The following ITGA4 variants were observed in gnomAD, a reference collection of about 807,000 sequenced individuals.
The protein encoded by ITGA4 is integrin subunit alpha 4.
ITGA4 carries 63 observed loss-of-function variants against 133.6 expected under a neutral mutation model. The observed-to-expected ratio is 0.47, with a 90% CI of 0.38 to 0.58. ITGA4 has a LOEUF of 0.58. Ranked by LOEUF, ITGA4 falls within the 20% of genes least tolerant of loss-of-function variation. The pLI is 0.00. For missense variants in ITGA4, 1,076 were observed against 1,252.7 expected (o/e 0.86, Z 2.13); for synonymous variants, 483 against 438.0 (o/e 1.10, Z -1.28).
rs1468747395 is a variant in ITGA4, at chr2:181,516,533, C to T, written c.1922+4758C>T. Among the ~76,000 whole-genome samples, 1 of 151,962 alleles carries T rather than the reference C, an allele frequency of 6.6e-6. No homozygotes were observed. The highest frequency in any genetic ancestry group is 1.5e-5 in the Non-Finnish European group (1 of 67,980). On this transcript the variant is annotated intron_variant, in intron 17 of 27. Coordinates refer to ENST00000397033, the MANE Select transcript of ITGA4 (RefSeq NM_000885.6). This position sits in a 1 kb window ranked among gnomAD's most constrained non-coding sequence, Gnocchi z 4.0. ...AGTGCTTGGTCATCTTTAAGTTGCC[C>T]TTCCAGGAAGGGCAGTGCCTCATTT...
intron 17 of ITGA4, among the ~76,000 whole-genome samples, chr2:181,521,047 A>G (rs1449470012): frequency 2.0e-5 from 3 of 151,872 alleles, no homozygotes. Context: ...GAATGACACA[A>G]TTTAAACATT....
rs1687144019 is a variant in ITGA4 at position 181,536,898 on chromosome 2, G to A, written c.*1371G>A. 3 of 453,344 alleles carry A rather than the reference G, an allele frequency of 6.6e-6. No individual in the cohort carries two copies. Among genetic ancestry groups the A allele is most frequent in the Non-Finnish European group, 1.3e-5 (3 of 226,476 alleles). The allele number at this position is 453,344 out of a possible 1,614,324, so 28.1% of individuals were successfully genotyped here. ...TCTGTTATAGGGAGTGATCAAATTA[G>A]AAGGCAATGTGGAAAAACAATTCTG... is the stretch of plus-strand genomic sequence containing the variant. On this transcript the variant is annotated 3_prime_UTR_variant, in exon 28 of 28. Coordinates refer to ENST00000397033, the MANE Select transcript of ITGA4 (RefSeq NM_000885.6).
At chr2:181,533,285 T>G (rs1220068660) in intron 25 of ITGA4, among the ~76,000 whole-genome samples, 1 of 152,214 alleles carries the variant, frequency 6.6e-6, no homozygotes. Context: ...TTCTTGAAAT[T>G]GCCAAACAGT....
chr2:181,536,875 T>TGTTA lies in ITGA4; in HGVS notation c.*1349_*1352dup, dbSNP rs1687141728. The TGTTA allele has an allele frequency of 2.3e-6, 1 of 438,260 alleles. No homozygotes were observed. The highest frequency in any genetic ancestry group is 2.0e-5 in the African/African-American group (1 of 49,524). The allele number at this position is 438,260 out of a possible 1,614,324, so 27.1% of individuals were successfully genotyped here. A position where few individuals can be genotyped will look rare whatever the true frequency, so the allele number is the denominator to read the frequency against. Reference sequence around the variant, plus strand: ...GAGCTGTGGCCGAATTTTGAACATCTGTTATAGGGAGTGATCAAATTAGAA... The same window carrying TGTTA: ...GAGCTGTGGCCGAATTTTGAACATCTGTTAGTTATAGGGAGTGATCAAATTAGAA... On this transcript the variant is annotated 3_prime_UTR_variant, in exon 28 of 28. Transcript: ENST00000397033.
chr2:181,535,300 C>A, intron 27 of ITGA4, 132 bp from the exon 28 acceptor site: 1 of 709,788 alleles, frequency 1.4e-6, no homozygotes, highest in Non-Finnish European at 2.2e-6. Flanking sequence ...TCTGTTAAAC[C>A]TTTATGACTG....
chr2:181,470,078 GATATAA>G (rs1402772106), intron 2 of ITGA4, among the ~76,000 whole-genome samples: 1 of 151,672 alleles, frequency 6.6e-6, no homozygotes, highest in African/African-American at 2.4e-5. Flanking sequence ...AAAAAAAAAA[GATATAA>G]ATGTTGGCAA....
intron 25 of ITGA4, among the ~76,000 whole-genome samples, chr2:181,533,478 T>C (rs977812255): frequency 1.3e-5 from 2 of 152,188 alleles, no homozygotes; most frequent in African/African-American, 4.8e-5. Context: ...CCAGATAATT[T>C]TGTTTTGGGG....
chr2:181,468,199 C>G (rs186015374), intron 2 of ITGA4, among the ~76,000 whole-genome samples: 1 of 152,176 alleles, frequency 6.6e-6, no homozygotes. Context: ...ATCCCACTCA[C>G]AAATCATCCT....
intron 10 of ITGA4, among the ~76,000 whole-genome samples, chr2:181,487,792 C>G (rs1265097123): frequency 6.6e-6 from 1 of 152,066 alleles, no homozygotes; most frequent in Non-Finnish European, 1.5e-5. Flanking sequence ...ATAGCTCTAC[C>G]ATCAAGTAGA....
intron 2 of ITGA4, among the ~76,000 whole-genome samples, chr2:181,469,560 G>C (rs1424010849): frequency 2.0e-5 from 3 of 152,138 alleles, no homozygotes; most frequent in Admixed American, 1.3e-4. Flanking sequence ...GCCATCCCAT[G>C]ACTGGGTATA....
rs987416748 is a variant in ITGA4, at chr2:181,534,167, G to A, written c.2785-105G>A. ...TTAATTTTAAGTGGTGAAATAAATTGGGGAAGGTAAATTGTGAAAACCTCT... is the reference window on the plus strand; with the variant it reads ...TTAATTTTAAGTGGTGAAATAAATTAGGGAAGGTAAATTGTGAAAACCTCT... On this transcript the variant is annotated intron_variant, in intron 25 of 27. Transcript: ENST00000397033. The A allele has an allele frequency of 9.7e-5, 63 of 652,478 alleles. 2 individuals are homozygous for A. The highest frequency in any genetic ancestry group is 8.2e-4 in the Middle Eastern group (2 of 2,438). 40.4% of individuals were successfully genotyped at this position (652,478 alleles called of 1,614,324 possible).
chr2:181,526,822 T>TTTTTTTTTTTTTTTG (rs1686840149), intron 21 of ITGA4, among the ~76,000 whole-genome samples: 1 of 38,126 alleles, frequency 2.6e-5, no homozygotes, highest in Non-Finnish European at 4.2e-5. Context: ...GCACATGGCC[T>TTTTTTTTTTTTTTTG]TTTTTTTTTT....
Position 181,495,770 on chromosome 2 carries a change from A to G in ITGA4, c.1386-13A>G, listed in dbSNP as rs114175797. The stretch of plus-strand genomic sequence containing the variant: ...TTCTGCAATTAACATTGCTACTTTT[A>G]TTTCCTTCTCAGGACAAGACCTGTA... On this transcript the variant is annotated splice_polypyrimidine_tract_variant and intron_variant, in intron 13 of 27. Coordinates refer to ENST00000397033, the MANE Select transcript of ITGA4 (RefSeq NM_000885.6). This position sits in a 1 kb window ranked among gnomAD's most constrained non-coding sequence, Gnocchi z 4.3. 2.0e-3 allele frequency: 3,231 copies of G among 1,602,540 alleles called. 63 individuals carry two copies. In the African/African-American group the frequency reaches 0.038, roughly 19 times the overall value.
intron 2 of ITGA4, among the ~76,000 whole-genome samples, chr2:181,463,694 A>T (rs1252778023): frequency 6.6e-6 from 1 of 152,094 alleles, no homozygotes; most frequent in African/African-American, 2.4e-5. Flanking sequence ...TTCCTGTGAG[A>T]CATAGAAGTA....
At chr2:181,488,433 C>A (rs934417621) in intron 10 of ITGA4, among the ~76,000 whole-genome samples, 1 of 152,144 alleles carries the variant, frequency 6.6e-6, no homozygotes, top group Non-Finnish European at 1.5e-5. Context: ...AATATTCCTG[C>A]ATATTTTTGT....
chr2:181,461,498 C>T (rs1236086222), intron 2 of ITGA4, among the ~76,000 whole-genome samples: 3 of 151,784 alleles, frequency 2.0e-5, no homozygotes, highest in Non-Finnish European at 2.9e-5. Context: ...ACTTTCCACC[C>T]GGGCACTCTG....
intron 2 of ITGA4, 63 bp downstream of exon 2, chr2:181,458,380 G>A (rs1218824711): frequency 1.9e-6 from 3 of 1,571,394 alleles, no homozygotes; most frequent in Non-Finnish European, 2.6e-6. Context: ...CCCCACCATA[G>A]GGCAAGTCCT....
intron 10 of ITGA4, among the ~76,000 whole-genome samples, chr2:181,490,484 CGTGTGTGTGTGTGTGT>C (rs35723610): frequency 9.4e-5 from 13 of 137,740 alleles, no homozygotes; most frequent in African/African-American, 1.6e-4. Context: ...GAATAGTATT[CGTGTGTGTGTGTGTGT>C]GTGTGTGTGT....
intron 2 of ITGA4, among the ~76,000 whole-genome samples, chr2:181,469,046 A>G (rs1685486422): frequency 6.6e-6 from 1 of 152,226 alleles, no homozygotes; most frequent in Admixed American, 6.5e-5. Context: ...ACCAGATTAT[A>G]AATCACTTCA....
Sources: allele counts gnomAD v4.1 joint callset (sites outside exome capture counted in the v4.1 genomes callset), GRCh38; gene constraint gnomAD v4.1.1; non-coding constraint Gnocchi (gnomAD v3.1); transcripts MANE v1.5; gene names NCBI Gene and HGNC (gene_info 2026-07-23, HGNC 2026-07-21).